Variants in LUC7L2 observed in about 807,000 individuals in gnomAD.
LUC7L2 encodes LUC7 like 2, pre-mRNA splicing factor.
A neutral mutation model predicts 52.8 loss-of-function variants in LUC7L2; 25 were observed. The ratio of observed to expected loss-of-function variants is 0.47; its 90% CI spans 0.34 to 0.66. The LOEUF is 0.66. Ranked by LOEUF, LUC7L2 falls within the 30% of genes least tolerant of loss-of-function variation. The probability of loss-of-function intolerance (pLI) is 0.01; values close to 1 mark genes in which losing one functional copy is unlikely to be tolerated. For missense variants in LUC7L2, 328 were observed against 497.8 expected (o/e 0.66, Z 3.25); for synonymous variants, 144 against 160.9 (o/e 0.89, Z 0.80).
intron 1 of LUC7L2, among the ~76,000 whole-genome samples, chr7:139,349,347 A>G (rs1159311318): frequency 1.3e-5 from 2 of 152,216 alleles, no homozygotes; most frequent in African/African-American, 4.8e-5. Context: ...TAAGGTTTAA[A>G]TAATTTACTC....
At chr7:139,412,627 T>C (rs1488602659) in intron 8 of LUC7L2, 47 bp downstream of exon 8, 2 of 1,552,952 alleles carry the variant, frequency 1.3e-6, no homozygotes, top group Non-Finnish European at 1.7e-6. Flanking sequence ...GTTGTCTTTT[T>C]CAAAGGTAGT....
chr7:139,422,038 T>C (rs879415808), intron 9 of LUC7L2, 125 bp from the exon 10 acceptor site: 1 of 1,386,920 alleles, frequency 7.2e-7, no homozygotes, highest in Non-Finnish European at 9.4e-7. Flanking sequence ...GAAAACTGAC[T>C]CCTCTGTCAT....
At chr7:139,402,715 G>A (rs926805620) in intron 4 of LUC7L2, among the ~76,000 whole-genome samples, 1 of 151,980 alleles carries the variant, frequency 6.6e-6, no homozygotes, top group East Asian at 1.9e-4. Context: ...GCAGAGACAG[G>A]GTTTTGCCAT....
chr7:139,407,001 G>T (rs10254132), intron 5 of LUC7L2, among the ~76,000 whole-genome samples, 173 bp from the exon 6 acceptor site: 48,934 of 111,126 alleles, frequency 0.44, 12,846 homozygotes, highest in African/African-American at 0.78. Context: ...TGCTTTTGTG[G>T]TTTTTTTTTT....
intron 1 of LUC7L2, among the ~76,000 whole-genome samples, chr7:139,353,508 T>G (rs1214562879): frequency 6.6e-6 from 1 of 152,226 alleles, no homozygotes; most frequent in African/African-American, 2.4e-5. Flanking sequence ...GAGATTTTTT[T>G]TTTCAGATGC....
At chr7:139,343,796 A>G (rs1799120068) in intron 1 of LUC7L2, among the ~76,000 whole-genome samples, 1 of 151,762 alleles carries the variant, frequency 6.6e-6, no homozygotes, top group South Asian at 2.1e-4. Flanking sequence ...TTAGCCGGAT[A>G]TGGTGGTGTG....
chr7:139,345,376 C>G, intron 1 of LUC7L2: 1 of 1,307,074 alleles, frequency 7.7e-7, no homozygotes, highest in Admixed American at 2.3e-5. Context: ...CATGTATATA[C>G]ATACATGTCT....
At chr7:139,415,862 T>C (rs1179563586) in intron 8 of LUC7L2, among the ~76,000 whole-genome samples, 2 of 151,788 alleles carry the variant, frequency 1.3e-5, no homozygotes, top group Non-Finnish European at 2.9e-5. Context: ...TTTCTTTGAC[T>C]ATAATGTTGA....
chr7:139,375,741 C>T, intron 1 of LUC7L2: 1 of 417,948 alleles, frequency 2.4e-6, no homozygotes, highest in African/African-American at 2.1e-5. Flanking sequence ...GTTTTCTCAT[C>T]TGCAATATGA....
At chr7:139,406,797 CTTAA>C (rs368980566) in intron 5 of LUC7L2, among the ~76,000 whole-genome samples, 21 of 152,104 alleles carry the variant, frequency 1.4e-4, no homozygotes, top group East Asian at 1.4e-3. Flanking sequence ...CGTGTCTTTT[CTTAA>C]TTAATCTAGC....
chr7:139,372,676 C>T (rs1246124693), intron 1 of LUC7L2, among the ~76,000 whole-genome samples: 1 of 152,054 alleles, frequency 6.6e-6, no homozygotes, highest in Non-Finnish European at 1.5e-5. Flanking sequence ...GCAGTGGCTC[C>T]TGCCTATAAT....
chr7:139,344,389 C>T (rs897850063), intron 1 of LUC7L2, among the ~76,000 whole-genome samples: 1 of 152,178 alleles, frequency 6.6e-6, no homozygotes, highest in Non-Finnish European at 1.5e-5. Context: ...CTCCTGTATA[C>T]TTTGTCATCT....
chr7:139,341,280 G>A (rs1798940506), intron 1 of LUC7L2: 9 of 1,492,572 alleles, frequency 6.0e-6, no homozygotes, highest in Non-Finnish European at 8.0e-6. Context: ...TCGATAGGGG[G>A]AGTCGGTAGT....
rs1795668011 is a variant in LUC7L2, at chr7:139,417,339, C to T, written c.810-199C>T. The T allele has an allele frequency of 5.8e-6, 4 of 690,680 alleles. No homozygotes were observed. The Admixed American group carries it at 1.3e-4, about 22-fold the overall frequency. 42.8% of individuals were successfully genotyped at this position (690,680 alleles called of 1,614,324 possible). On this transcript the variant is annotated intron_variant, in intron 8 of 9. Transcript: ENST00000354926. ...TACAGGTGTGAGCCACGGCGCCTGGCTGAGAATTATTAATGTTTTATTTTG... is the reference window on the plus strand; with the variant it reads ...TACAGGTGTGAGCCACGGCGCCTGGTTGAGAATTATTAATGTTTTATTTTG...
intron 3 of LUC7L2, among the ~76,000 whole-genome samples, chr7:139,399,500 C>T (rs1159516513): frequency 5.7e-5 from 6 of 105,002 alleles, no homozygotes; most frequent in East Asian, 3.7e-4. Context: ...GACAGAGTCT[C>T]GCTCTGTAGC....
chr7:139,403,786 C>T (rs1335586556), intron 4 of LUC7L2, among the ~76,000 whole-genome samples: 2 of 152,238 alleles, frequency 1.3e-5, no homozygotes, highest in East Asian at 1.9e-4. Context: ...GCTGGGCTTA[C>T]TCACATGCCT....
chr7:139,402,008 A>G lies in LUC7L2; in HGVS notation c.256-129A>G, dbSNP rs560140187. 158 of 965,044 alleles carry G rather than the reference A, an allele frequency of 1.6e-4. 1 individual carries two copies. In the African/African-American group the frequency reaches 2.3e-3, roughly 14 times the overall value. 59.8% of individuals were successfully genotyped at this position (965,044 alleles called of 1,614,324 possible). A position where few individuals can be genotyped will look rare whatever the true frequency, so the allele number is the denominator to read the frequency against. ...TCTGCCTTAGCCTCCTAAAGTGCTCAATTACTGACGTGAGCCACCGTGCCC... is the reference window on the plus strand; with the variant it reads ...TCTGCCTTAGCCTCCTAAAGTGCTCGATTACTGACGTGAGCCACCGTGCCC... On this transcript the variant is annotated intron_variant, in intron 3 of 9. Transcript: ENST00000354926.
chr7:139,347,169 G>A (rs1389607403), intron 1 of LUC7L2, among the ~76,000 whole-genome samples: 1 of 152,164 alleles, frequency 6.6e-6, no homozygotes, highest in Non-Finnish European at 1.5e-5. Flanking sequence ...CGGGGACTAT[G>A]TCTCATTCAT....
At chr7:139,368,323 G>T (rs1133067) in intron 1 of LUC7L2, among the ~76,000 whole-genome samples, 58,606 of 152,124 alleles carry the variant, frequency 0.39, 15,773 homozygotes, top group African/African-American at 0.77. Context: ...TAAGTAATAA[G>T]TTCTGTGATA....
Sources: gnomAD v4.1 joint callset for allele counts (sites outside exome capture counted in the v4.1 genomes callset) on GRCh38, gnomAD v4.1.1 for gene constraint, MANE v1.5 for transcripts, NCBI Gene and HGNC (gene_info 2026-07-23, HGNC 2026-07-21) for gene names.